DAAM2: variants seen among roughly 807,000 people sequenced by gnomAD.
The protein encoded by DAAM2 is dishevelled associated activator of morphogenesis 2.
DAAM2 carries 39 observed loss-of-function variants against 120.7 expected under a neutral mutation model. The observed-to-expected ratio is 0.32, with a 90% confidence interval of 0.25 to 0.42. The LOEUF (loss-of-function observed/expected upper bound fraction) is 0.42, where lower values mean the gene tolerates loss of function less well. Ranked by LOEUF, DAAM2 falls within the 10% of genes least tolerant of loss-of-function variation. The pLI is 1.00. For missense variants in DAAM2, 1,283 were observed against 1,401.7 expected, an observed-to-expected ratio of 0.92 and a Z score of 1.35; for synonymous variants, 488 against 524.9, an observed-to-expected ratio of 0.93 and a Z score of 0.96.
rs761220327 is a variant in DAAM2, at chr6:39,898,864, T to G, written c.2619-13T>G. The G allele has an allele frequency of 1.9e-6, 3 of 1,609,642 alleles. No homozygotes were observed. The highest frequency in any genetic ancestry group is 2.5e-6 in the Non-Finnish European group (3 of 1,177,266). On this transcript the variant is annotated splice_polypyrimidine_tract_variant and intron_variant, in intron 21 of 24. Coordinates refer to ENST00000274867, the MANE Select transcript of DAAM2 (RefSeq NM_001201427.2). ...GATGGTCCTCATTCCCTTCCCTCTG[T>G]GTCTCCTTACAGCCTAGCAGAACTG...
At chr6:39,887,398 G>T in intron 15 of DAAM2, 88 bp from the exon 16 acceptor site, 5 of 841,990 alleles carry the variant, frequency 5.9e-6, no homozygotes, top group Non-Finnish European at 9.8e-6. Context: ...AGCATTCCTG[G>T]ATTGGTAGGA....
rs1466771009 is a variant in DAAM2, at chr6:39,901,606, C to T, written c.2982+134C>T. Reference sequence around the variant, plus strand: ...ACACCATAGGGGTTGGATGTCAGCCCCAGGAGAGAGAAACTTCTTCCCAGC... The same window carrying T: ...ACACCATAGGGGTTGGATGTCAGCCTCAGGAGAGAGAAACTTCTTCCCAGC... On this transcript the variant is annotated intron_variant, in intron 24 of 24. Transcript: ENST00000274867. The surrounding 1 kb of genome is among the most constrained non-coding windows in gnomAD (Gnocchi z 4.5). The T allele has an allele frequency of 4.5e-6, 5 of 1,118,704 alleles. No homozygotes were observed. In the East Asian group the frequency reaches 1.3e-4, roughly 29 times the overall value. 69.3% of individuals were successfully genotyped at this position (1,118,704 alleles called of 1,614,324 possible).
chr6:39,867,242 A>T (rs1562038083), intron 5 of DAAM2: 1 of 452,002 alleles, frequency 2.2e-6, no homozygotes. Flanking sequence ...AATTATCATG[A>T]TCATGTGAAG....
chr6:39,861,284 G>A (rs1582690433), intron 3 of DAAM2: 4 of 504,908 alleles, frequency 7.9e-6, no homozygotes, highest in South Asian at 7.4e-5. Flanking sequence ...GACAGACAAA[G>A]AAGCAGAGTC....
At chr6:39,806,180 T>A (rs1400365195) in intron 1 of DAAM2, among the ~76,000 whole-genome samples, 2 of 152,168 alleles carry the variant, frequency 1.3e-5, no homozygotes, top group African/African-American at 4.8e-5. Flanking sequence ...TCAAAGTGGA[T>A]GGAAATTAAA....
chr6:39,837,665 A>AAAAAC, intron 1 of DAAM2, among the ~76,000 whole-genome samples: 1 of 144,280 alleles, frequency 6.9e-6, no homozygotes, highest in African/African-American at 2.6e-5. Flanking sequence ...CTCCATCTCA[A>AAAAAC]AAAAAAAAAA....
intron 1 of DAAM2, among the ~76,000 whole-genome samples, chr6:39,810,846 C>T (rs767687488): frequency 1.8e-4 from 28 of 152,136 alleles, no homozygotes; most frequent in Non-Finnish European, 7.3e-5. Flanking sequence ...CCATCCTGTC[C>T]GAGGCTCTGC....
At chr6:39,846,699 C>CTT (rs11359144) in intron 1 of DAAM2, among the ~76,000 whole-genome samples, 6 of 140,628 alleles carry the variant, frequency 4.3e-5, no homozygotes, top group African/African-American at 1.3e-4. Context: ...CACATCCACG[C>CTT]TTTTTTTTTT....
intron 1 of DAAM2, among the ~76,000 whole-genome samples, chr6:39,833,301 CTCCCTTCCT>C (rs1466318122): frequency 1.3e-5 from 2 of 151,630 alleles, no homozygotes; most frequent in Non-Finnish European, 2.9e-5. Flanking sequence ...GCTTTGCTCC[CTCCCTTCCT>C]TCCCTTCCTT....
At position 39,868,073 on chromosome 6, in the gene DAAM2, G is replaced by A. The variant is rs762524006; in HGVS notation, c.762+230G>A. 52 of 536,286 alleles carry A rather than the reference G, an allele frequency of 9.7e-5. No homozygotes were observed. In the Middle Eastern group the frequency reaches 1.5e-3, roughly 15 times the overall value. 33.2% of individuals were successfully genotyped at this position (536,286 alleles called of 1,614,324 possible). On this transcript the variant is annotated intron_variant, in intron 6 of 24. Coordinates refer to ENST00000274867, the MANE Select transcript of DAAM2 (RefSeq NM_001201427.2). ...ATGAGTTTGGCTGGGAAATGGACTT[G>A]TCTTCCTTATTAGTCAGTGGGTTCC... is the stretch of plus-strand genomic sequence containing the variant.
At chr6:39,900,850 C>T (rs1289439736) in intron 23 of DAAM2, among the ~76,000 whole-genome samples, 2 of 152,150 alleles carry the variant, frequency 1.3e-5, no homozygotes, top group Non-Finnish European at 2.9e-5. Context: ...AATATAGCCA[C>T]TGTTTTATAG....
At chr6:39,866,797 A>G (rs1237732540) in intron 5 of DAAM2, among the ~76,000 whole-genome samples, 1 of 152,250 alleles carries the variant, frequency 6.6e-6, no homozygotes, top group Non-Finnish European at 1.5e-5. Context: ...GTAATTTGGT[A>G]TGAAAATAGC....
chr6:39,864,313 C>A, intron 3 of DAAM2, 120 bp from the exon 4 acceptor site: 2 of 708,478 alleles, frequency 2.8e-6, no homozygotes, highest in Non-Finnish European at 4.8e-6. Flanking sequence ...TTCCTCCAAC[C>A]CACCCGACAT....
At chr6:39,893,466 C>T (rs1046430788) in intron 19 of DAAM2, among the ~76,000 whole-genome samples, 10 of 151,672 alleles carry the variant, frequency 6.6e-5, no homozygotes, top group African/African-American at 1.2e-4. Context: ...GGCAGTGAGC[C>T]GACATGGAAC....
At chr6:39,841,915 A>G (rs556137351) in intron 1 of DAAM2, among the ~76,000 whole-genome samples, 80 of 152,336 alleles carry the variant, frequency 5.3e-4, no homozygotes, top group African/African-American at 1.7e-3. Context: ...TACCTTTTAC[A>G]TGCAAGATGC....
At chr6:39,874,805 A>G (rs1396765834) in intron 10 of DAAM2, among the ~76,000 whole-genome samples, 1 of 152,202 alleles carries the variant, frequency 6.6e-6, no homozygotes, top group Non-Finnish European at 1.5e-5. Flanking sequence ...TCACTTCCAC[A>G]AGAAATTTTC....
Position 39,898,919 on chromosome 6 carries a change from C to T in DAAM2, c.2661C>T (p.Gly887=), listed in dbSNP as rs780925746. 2 of 1,612,260 alleles carry T rather than the reference C, an allele frequency of 1.2e-6. No individual in the cohort carries two copies. The highest frequency in any genetic ancestry group is 1.3e-5 in the African/African-American group (1 of 74,980). The change falls in exon 22 of 25, where the codon GGC becomes GGT. Residue 887 remains glycine, a synonymous_variant. Transcript: ENST00000274867. ...LEKEVGNLRR[G]LRAVEVELEY... is the part of the protein sequence containing the mutation. ...AGGAGGTGGGCAACCTCAGGAGGGGCCTGAGAGCGGTGGAGGTGGTGAGTA... is the reference window on the plus strand; with the variant it reads ...AGGAGGTGGGCAACCTCAGGAGGGGTCTGAGAGCGGTGGAGGTGGTGAGTA...
intron 21 of DAAM2, among the ~76,000 whole-genome samples, chr6:39,898,484 A>T (rs1163089122): frequency 6.6e-6 from 1 of 152,242 alleles, no homozygotes; most frequent in East Asian, 1.9e-4. Context: ...GGAAAACTAG[A>T]AACATAGTGG....
chr6:39,815,862 A>G (rs1343353703), intron 1 of DAAM2, among the ~76,000 whole-genome samples: 1 of 152,184 alleles, frequency 6.6e-6, no homozygotes, highest in Non-Finnish European at 1.5e-5. Flanking sequence ...CAAGCAACTC[A>G]CTCAAACAGG....
Sources: allele counts gnomAD v4.1 joint callset (sites outside exome capture counted in the v4.1 genomes callset), GRCh38; gene constraint gnomAD v4.1.1; non-coding constraint Gnocchi (gnomAD v3.1); transcripts MANE v1.5; gene names NCBI Gene and HGNC (gene_info 2026-07-23, HGNC 2026-07-21).